SMIM31: variants seen among roughly 807,000 people sequenced by gnomAD.
SMIM31 encodes the protein small integral membrane protein 31.
chr4:164,781,733 G>A (rs991304949), intron 2 of SMIM31, among the ~76,000 whole-genome samples: 2 of 152,076 alleles, frequency 1.3e-5, no homozygotes, highest in Non-Finnish European at 2.9e-5. Context: ...TTTCCCAGGT[G>A]AGACCCACTG....
At chr4:164,773,117 T>C (rs1274251670) in intron 2 of SMIM31, among the ~76,000 whole-genome samples, 2 of 146,450 alleles carry the variant, frequency 1.4e-5, no homozygotes, top group African/African-American at 5.0e-5. Context: ...TATAACAAGA[T>C]ACAACTTAAT....
chr4:164,774,231 G>C (rs1050894090), intron 2 of SMIM31, among the ~76,000 whole-genome samples: 4 of 150,300 alleles, frequency 2.7e-5, no homozygotes, highest in African/African-American at 9.8e-5. Context: ...AATACAACTT[G>C]TATTCACTTA....
chr4:164,780,670 C>A (rs1009634440), intron 2 of SMIM31, among the ~76,000 whole-genome samples: 2 of 152,172 alleles, frequency 1.3e-5, no homozygotes, highest in African/African-American at 4.8e-5. Flanking sequence ...TTTTATAATA[C>A]TATTTTTGAA....
chr4:164,763,420 T>C (rs761325942), intron 1 of SMIM31, among the ~76,000 whole-genome samples: 4 of 152,222 alleles, frequency 2.6e-5, no homozygotes, highest in Non-Finnish European at 5.9e-5. Context: ...GAATGTCTTT[T>C]AAAAGACATT....
chr4:164,778,124 A>ACGCC (rs1370481190), intron 2 of SMIM31, among the ~76,000 whole-genome samples: 1 of 152,250 alleles, frequency 6.6e-6, no homozygotes, highest in Non-Finnish European at 1.5e-5. Flanking sequence ...GCAGTGGCTT[A>ACGCC]CGCCTGTGAT....
At chr4:164,778,598 A>C (rs945449432) in intron 2 of SMIM31, among the ~76,000 whole-genome samples, 1 of 152,202 alleles carries the variant, frequency 6.6e-6, no homozygotes, top group Non-Finnish European at 1.5e-5. Flanking sequence ...AACATATTTA[A>C]GCCTCCTTTC....
intron 2 of SMIM31, among the ~76,000 whole-genome samples, chr4:164,794,508 T>C (rs1733161928): frequency 6.6e-6 from 1 of 151,846 alleles, no homozygotes; most frequent in Admixed American, 6.6e-5. Flanking sequence ...CACATTTTTG[T>C]TTAAAAACTA....
At chr4:164,760,510 C>T (rs1732631792) in intron 1 of SMIM31, among the ~76,000 whole-genome samples, 1 of 151,028 alleles carries the variant, frequency 6.6e-6, no homozygotes. Flanking sequence ...GCGGGTGGAT[C>T]ACTTGAGGTC....
At chr4:164,787,817 T>C (rs1374891753) in intron 2 of SMIM31, among the ~76,000 whole-genome samples, 1 of 152,242 alleles carries the variant, frequency 6.6e-6, no homozygotes, top group Non-Finnish European at 1.5e-5. Context: ...GTGCTTTACG[T>C]CAGCCATTTA....
intron 2 of SMIM31, among the ~76,000 whole-genome samples, chr4:164,781,855 G>A (rs1039177290): frequency 2.6e-5 from 4 of 152,208 alleles, no homozygotes; most frequent in Admixed American, 1.3e-4. Flanking sequence ...GTGGCTGCCA[G>A]GCATTAAGGC....
At chr4:164,755,383 G>C (rs1468226349) in intron 1 of SMIM31, among the ~76,000 whole-genome samples, 2 of 150,800 alleles carry the variant, frequency 1.3e-5, no homozygotes, top group African/African-American at 4.9e-5. Flanking sequence ...GGGAGGCTGA[G>C]GCAGGAGAAT....
intron 1 of SMIM31, among the ~76,000 whole-genome samples, chr4:164,762,974 T>A (rs1273169432): frequency 6.6e-6 from 1 of 152,162 alleles, no homozygotes; most frequent in African/African-American, 2.4e-5. Context: ...ACTTTGGAGA[T>A]CTAATATTTT....
chr4:164,773,115 G>A (rs1257659445), intron 2 of SMIM31, among the ~76,000 whole-genome samples: 1 of 142,398 alleles, frequency 7.0e-6, no homozygotes, highest in Non-Finnish European at 1.5e-5. Flanking sequence ...GATATAACAA[G>A]ATACAACTTA....
At chr4:164,757,206 A>G (rs1210621554) in intron 1 of SMIM31, among the ~76,000 whole-genome samples, 2 of 152,160 alleles carry the variant, frequency 1.3e-5, no homozygotes, top group Admixed American at 6.5e-5. Context: ...GGTCATTTGC[A>G]TATGTTCCTT....
At chr4:164,773,994 G>A (rs1167271401) in intron 2 of SMIM31, among the ~76,000 whole-genome samples, 13 of 151,930 alleles carry the variant, frequency 8.6e-5, no homozygotes, top group South Asian at 6.3e-4. Context: ...GTGAAACCCC[G>A]TCTCTACTAA....
chr4:164,765,559 A>G (rs1732708501), intron 1 of SMIM31, among the ~76,000 whole-genome samples: 1 of 151,764 alleles, frequency 6.6e-6, no homozygotes, highest in Non-Finnish European at 1.5e-5. Flanking sequence ...AAATTAGATA[A>G]GCATTCAATG....
chr4:164,762,725 T>C (rs1454637682), intron 1 of SMIM31, among the ~76,000 whole-genome samples: 1 of 148,128 alleles, frequency 6.8e-6, no homozygotes, highest in East Asian at 2.0e-4. Context: ...CAGTATCTAA[T>C]CAGAGCGCAC....
At chr4:164,791,365 C>T (rs906329491) in intron 2 of SMIM31, among the ~76,000 whole-genome samples, 5 of 152,120 alleles carry the variant, frequency 3.3e-5, no homozygotes, top group African/African-American at 4.8e-5. Context: ...CAGGGTCTGG[C>T]TCTGTTGCCT....
At chr4:164,797,468 T>TTC (rs1260439771) in intron 2 of SMIM31, among the ~76,000 whole-genome samples, 1 of 147,276 alleles carries the variant, frequency 6.8e-6, no homozygotes, top group African/African-American at 2.5e-5. Context: ...TTCTTTTCTT[T>TTC]TTTTTTTTTT....
Sources: allele counts gnomAD v4.1 joint callset (sites outside exome capture counted in the v4.1 genomes callset), GRCh38; gene constraint gnomAD v4.1.1; transcripts MANE v1.5; gene names NCBI Gene and HGNC (gene_info 2026-07-23, HGNC 2026-07-21).